Variants in PTPRM observed in about 807,000 individuals in gnomAD.
The protein encoded by PTPRM is receptor-type tyrosine-protein phosphatase mu.
PTPRM carries 47 observed loss-of-function variants against 186.7 expected under a neutral mutation model. The observed-to-expected ratio is 0.25, with a 90% CI of 0.20 to 0.32. The LOEUF (loss-of-function observed/expected upper bound fraction) is 0.32, where lower values mean the gene tolerates loss of function less well. Among genes scored for constraint, PTPRM ranks in the 10% least tolerant of loss-of-function variants. The pLI, the probability that PTPRM is intolerant of heterozygous loss-of-function variation, is 1.00. For missense variants in PTPRM, 1,494 were observed against 1,865.0 expected (o/e 0.80, Z 3.66); for synonymous variants, 668 against 674.9 (o/e 0.99, Z 0.16).
intron 1 of PTPRM, among the ~76,000 whole-genome samples, chr18:7,766,006 A>T (rs1284578525): frequency 6.6e-6 from 1 of 152,266 alleles, no homozygotes; most frequent in Non-Finnish European, 1.5e-5. Flanking sequence ...TTATGAAATT[A>T]ACATTTGATT....
intron 1 of PTPRM, among the ~76,000 whole-genome samples, chr18:7,650,367 G>T (rs1385968131): frequency 6.8e-6 from 1 of 147,998 alleles, no homozygotes; most frequent in African/African-American, 2.5e-5. Flanking sequence ...TGATCATTTT[G>T]CTTGATTCTG....
At chr18:8,097,184 A>G (rs1568335353) in intron 11 of PTPRM, among the ~76,000 whole-genome samples, 1 of 152,162 alleles carries the variant, frequency 6.6e-6, no homozygotes, top group African/African-American at 2.4e-5. Context: ...CTTAATAACT[A>G]TTTTTTAAGT....
At chr18:7,650,497 A>G (rs1401792282) in intron 1 of PTPRM, among the ~76,000 whole-genome samples, 2 of 145,358 alleles carry the variant, frequency 1.4e-5, no homozygotes, top group Admixed American at 6.8e-5. Flanking sequence ...AGACTTAAAA[A>G]TAATAAAACT....
intron 1 of PTPRM, among the ~76,000 whole-genome samples, chr18:7,626,170 C>T (rs1310490798): frequency 6.6e-6 from 1 of 152,232 alleles, no homozygotes; most frequent in African/African-American, 2.4e-5. Flanking sequence ...GAACTAAATT[C>T]TCCAAAGCAG....
chr18:8,052,308 G>A (rs1267216074), intron 7 of PTPRM, among the ~76,000 whole-genome samples: 1 of 152,088 alleles, frequency 6.6e-6, no homozygotes, highest in African/African-American at 2.4e-5. Context: ...GTTTTATAGG[G>A]TCATGTGTTG....
At chr18:7,966,158 TA>T (rs917402225) in intron 7 of PTPRM, among the ~76,000 whole-genome samples, 7 of 152,194 alleles carry the variant, frequency 4.6e-5, no homozygotes, top group African/African-American at 1.7e-4. Flanking sequence ...TAGAATGCTT[TA>T]AAAATGAATA....
intron 7 of PTPRM, among the ~76,000 whole-genome samples, chr18:7,963,520 A>G (rs1400220878): frequency 6.6e-6 from 1 of 152,242 alleles, no homozygotes; most frequent in African/African-American, 2.4e-5. Flanking sequence ...TGGCTGTGAA[A>G]AATGAGCGTG....
intron 2 of PTPRM, among the ~76,000 whole-genome samples, chr18:7,856,064 GGACTA>G (rs962785019): frequency 5.1e-4 from 77 of 152,096 alleles, no homozygotes; most frequent in Middle Eastern, 3.4e-3. Flanking sequence ...GGCCCAACAA[GGACTA>G]GACTTTTTCA....
intron 1 of PTPRM, among the ~76,000 whole-genome samples, chr18:7,721,078 A>T (rs1407580464): frequency 6.6e-6 from 1 of 151,574 alleles, no homozygotes; most frequent in Non-Finnish European, 1.5e-5. Flanking sequence ...AATATTTTAC[A>T]TTCTCACCAA....
At chr18:8,291,143 C>A (rs1346268523) in intron 19 of PTPRM, among the ~76,000 whole-genome samples, 1 of 152,258 alleles carries the variant, frequency 6.6e-6, no homozygotes, top group East Asian at 1.9e-4. Context: ...CCCTCCTGCT[C>A]TCTCTCATTG....
At position 8,387,121 on chromosome 18, in the gene PTPRM, C is replaced by T. The variant is rs148525659; in HGVS notation, c.4094C>T (p.Pro1365Leu). 2.3e-5 allele frequency: 37 copies of T among 1,612,146 alleles called. No homozygotes were observed. Among genetic ancestry groups the T allele is most frequent in the African/African-American group, 4.0e-5 (3 of 74,872 alleles). Residue 1365 changes from proline to leucine, a missense_variant, in exon 31 of 33, where the codon CCG becomes CTG. Physicochemically the swap from Pro to Leu is moderately conservative, Grantham distance 98. Transcript: ENST00000580170. ...CAGCAATTCCAGTTCCTGGGCTGGC[C>T]GATGTACAGGGACACACCAGTGTCT... ...MVQQFQFLGW[P>L]MYRDTPVSKR...
chr18:8,158,387 C>T (rs1331700588), intron 14 of PTPRM, among the ~76,000 whole-genome samples: 3 of 152,094 alleles, frequency 2.0e-5, no homozygotes, highest in African/African-American at 4.8e-5. Flanking sequence ...TTCATAAGAG[C>T]GTTAAAAACT....
chr18:7,581,332 T>C, intron 1 of PTPRM, among the ~76,000 whole-genome samples: 1 of 152,200 alleles, frequency 6.6e-6, no homozygotes, highest in East Asian at 1.9e-4. Context: ...TCCCTCATGG[T>C]ACAACTCACT....
intron 14 of PTPRM, among the ~76,000 whole-genome samples, chr18:8,150,923 C>T (rs1413889063): frequency 6.6e-6 from 1 of 152,168 alleles, no homozygotes; most frequent in Non-Finnish European, 1.5e-5. Context: ...TGGAGGTCCG[C>T]TCCAGACCTT....
At chr18:7,599,834 C>T (rs1254326415) in intron 1 of PTPRM, among the ~76,000 whole-genome samples, 1 of 152,194 alleles carries the variant, frequency 6.6e-6, no homozygotes, top group Non-Finnish European at 1.5e-5. Flanking sequence ...GTGCACTGTG[C>T]ATTTGCTACT....
At chr18:7,850,519 G>C (rs917870020) in intron 2 of PTPRM, among the ~76,000 whole-genome samples, 1 of 152,300 alleles carries the variant, frequency 6.6e-6, no homozygotes, top group African/African-American at 2.4e-5. Context: ...GAAAAGCTGA[G>C]TGGAGTTTTT....
In PTPRM at chr18:7,610,802, T is replaced by A. The variant is rs1304421393; in HGVS notation, c.73+42911T>A. Among the ~76,000 whole-genome samples the A allele has an allele frequency of 1.3e-5, 2 of 152,266 alleles. 1 individual carries two copies. The highest frequency in any genetic ancestry group is 1.3e-4 in the Admixed American group (2 of 15,288). ...AATGACTATGTTATAGGGTTATGTA[T>A]ACTTTTAGATTGTTATTTTAGAGTG... On this transcript the variant is annotated intron_variant, in intron 1 of 32. Coordinates refer to ENST00000580170, the MANE Select transcript of PTPRM (RefSeq NM_001105244.2).
intron 13 of PTPRM, among the ~76,000 whole-genome samples, chr18:8,131,641 T>A (rs2092510950): frequency 6.6e-6 from 1 of 152,162 alleles, no homozygotes; most frequent in Non-Finnish European, 1.5e-5. Context: ...CAAGAGAGCA[T>A]GAGGGGATGC....
intron 22 of PTPRM, among the ~76,000 whole-genome samples, chr18:8,340,406 G>C (rs905683491): frequency 6.6e-6 from 1 of 151,874 alleles, no homozygotes. Flanking sequence ...TTTTTTTAGC[G>C]TAGGTCAATG....
Sources: allele counts gnomAD v4.1 joint callset (sites outside exome capture counted in the v4.1 genomes callset), GRCh38; gene constraint gnomAD v4.1.1; transcripts MANE v1.5; gene names NCBI Gene and HGNC (gene_info 2026-07-23, HGNC 2026-07-21).